CDK8: variants seen among roughly 807,000 people sequenced by gnomAD.
The protein encoded by CDK8 is cyclin dependent kinase 8, also known as cyclin-dependent kinase 8.
A neutral mutation model predicts 71.5 loss-of-function variants in CDK8; 29 were observed. The observed-to-expected ratio is 0.41, with a 90% confidence interval of 0.30 to 0.55. CDK8 has a LOEUF of 0.55. Ranked by LOEUF, CDK8 falls within the 20% of genes least tolerant of loss-of-function variation. CDK8 has a pLI of 0.37. For synonymous variants in CDK8, 161 were observed against 192.1 expected (o/e 0.84, Z 1.34); for missense variants, 288 against 572.6 (o/e 0.50, Z 5.07).
At chr13:26,320,012 A>T (rs1462391388) in intron 1 of CDK8, among the ~76,000 whole-genome samples, 1 of 152,176 alleles carries the variant, frequency 6.6e-6, no homozygotes, top group African/African-American at 2.4e-5. Flanking sequence ...AAAACTGTAT[A>T]TCGACATTCA....
intron 1 of CDK8, among the ~76,000 whole-genome samples, chr13:26,294,003 T>A (rs561366744): frequency 1.1e-3 from 160 of 152,340 alleles, no homozygotes; most frequent in Admixed American, 2.0e-3. Flanking sequence ...ATTCTACATA[T>A]AAGTGAGATC....
intron 4 of CDK8, among the ~76,000 whole-genome samples, chr13:26,358,588 TAAA>T (rs1258470549): frequency 1.3e-5 from 2 of 152,140 alleles, no homozygotes; most frequent in African/African-American, 4.8e-5. Flanking sequence ...TGGCAGTTTT[TAAA>T]AAAATTAAAA....
At chr13:26,279,783 A>G (rs1043568359) in intron 1 of CDK8, among the ~76,000 whole-genome samples, 1 of 152,236 alleles carries the variant, frequency 6.6e-6, no homozygotes, top group African/African-American at 2.4e-5. Context: ...AGATGAGTTT[A>G]TGAAAATGTT....
At chr13:26,296,820 A>G (rs1249042918) in intron 1 of CDK8, among the ~76,000 whole-genome samples, 2 of 152,164 alleles carry the variant, frequency 1.3e-5, no homozygotes, top group East Asian at 1.9e-4. Context: ...TGTTAGGTCT[A>G]TGAAACTGAG....
chr13:26,322,113 C>G (rs1344821739), intron 1 of CDK8, among the ~76,000 whole-genome samples: 1 of 151,984 alleles, frequency 6.6e-6, no homozygotes, highest in Non-Finnish European at 1.5e-5. Flanking sequence ...GAGAAATGGG[C>G]CTTTTGGTGT....
intron 1 of CDK8, among the ~76,000 whole-genome samples, chr13:26,283,394 G>T (rs1847821679): frequency 6.6e-6 from 1 of 152,102 alleles, no homozygotes; most frequent in South Asian, 2.1e-4. Context: ...CGGATCACAA[G>T]GTTAGGAGAT....
At chr13:26,376,130 A>G (rs530528523) in intron 4 of CDK8, among the ~76,000 whole-genome samples, 54 of 152,318 alleles carry the variant, frequency 3.5e-4, no homozygotes, top group African/African-American at 1.3e-3. Flanking sequence ...TATACCACCA[A>G]ATCTATAAAT....
intron 1 of CDK8, among the ~76,000 whole-genome samples, chr13:26,313,258 G>GTAC (rs1364460990): frequency 6.6e-6 from 1 of 152,006 alleles, no homozygotes; most frequent in Non-Finnish European, 1.5e-5. Flanking sequence ...TATGTACTTA[G>GTAC]TACTATGTGC....
intron 1 of CDK8, among the ~76,000 whole-genome samples, chr13:26,304,356 ATATT>A (rs1424681774): frequency 1.3e-5 from 2 of 151,802 alleles, no homozygotes; most frequent in African/African-American, 4.8e-5. Context: ...AACAAACATT[ATATT>A]TATTTTACCT....
intron 1 of CDK8, among the ~76,000 whole-genome samples, chr13:26,260,752 T>C (rs957368983): frequency 6.6e-6 from 1 of 152,212 alleles, no homozygotes; most frequent in African/African-American, 2.4e-5. Context: ...TGACAATTAA[T>C]TCTCTGGGCA....
At chr13:26,369,145 A>G (rs987127633) in intron 4 of CDK8, among the ~76,000 whole-genome samples, 2 of 151,924 alleles carry the variant, frequency 1.3e-5, no homozygotes, top group African/African-American at 4.8e-5. Flanking sequence ...AAGTTAGTAA[A>G]AGTCAGCCAG....
At chr13:26,314,788 CAT>C (rs1874434536) in intron 1 of CDK8, among the ~76,000 whole-genome samples, 1 of 152,116 alleles carries the variant, frequency 6.6e-6, no homozygotes, top group Non-Finnish European at 1.5e-5. Flanking sequence ...ATCTTTTCTC[CAT>C]ATGTTTATAC....
At chr13:26,256,952 C>T (rs910082486) in intron 1 of CDK8, among the ~76,000 whole-genome samples, 1 of 151,860 alleles carries the variant, frequency 6.6e-6, no homozygotes, top group African/African-American at 2.4e-5. Flanking sequence ...GGTTTGACTT[C>T]TCTTTGTAAC....
At chr13:26,257,126 T>A (rs1043787611) in intron 1 of CDK8, among the ~76,000 whole-genome samples, 3 of 152,220 alleles carry the variant, frequency 2.0e-5, no homozygotes, top group African/African-American at 4.8e-5. Context: ...ATTGATTTAC[T>A]TTCAAATTAC....
chr13:26,272,292 G>A (rs898064292), intron 1 of CDK8, among the ~76,000 whole-genome samples: 1 of 151,832 alleles, frequency 6.6e-6, no homozygotes, highest in African/African-American at 2.4e-5. Flanking sequence ...AGGAGTTCAA[G>A]ACCAAACTTT....
At chr13:26,289,058 T>G (rs1873168555) in intron 1 of CDK8, among the ~76,000 whole-genome samples, 1 of 143,542 alleles carries the variant, frequency 7.0e-6, no homozygotes, top group Admixed American at 7.0e-5. Flanking sequence ...GTAGTTTTTT[T>G]TTTTTTTTTT....
chr13:26,306,889 A>G (rs1291254468), intron 1 of CDK8, among the ~76,000 whole-genome samples: 2 of 152,238 alleles, frequency 1.3e-5, no homozygotes, highest in East Asian at 3.9e-4. Context: ...TCGGCCTCCC[A>G]AAGTGCTGGG....
chr13:26,271,200 G>A (rs982615622), intron 1 of CDK8, among the ~76,000 whole-genome samples: 1 of 152,076 alleles, frequency 6.6e-6, no homozygotes, highest in Admixed American at 6.6e-5. Flanking sequence ...TGTATATTCT[G>A]GATACTGAAC....
chr13:26,258,492 GGTGTGTGT>G (rs56993639), intron 1 of CDK8, among the ~76,000 whole-genome samples: 4 of 147,424 alleles, frequency 2.7e-5, no homozygotes, highest in Non-Finnish European at 4.5e-5. Context: ...TATCTAGAGG[GGTGTGTGT>G]GTGTGTGTGT....
Sources: allele counts gnomAD v4.1 joint callset (sites outside exome capture counted in the v4.1 genomes callset), GRCh38; gene constraint gnomAD v4.1.1; transcripts MANE v1.5; gene names NCBI Gene and HGNC (gene_info 2026-07-23, HGNC 2026-07-21).